The following KLHL13 variants were observed in gnomAD, a reference collection of about 807,000 sequenced individuals.
KLHL13 encodes kelch like family member 13.
KLHL13 carries 10 observed loss-of-function variants against 37.1 expected under a neutral mutation model. The observed-to-expected ratio is 0.27, with a 90% confidence interval of 0.17 to 0.46. The LOEUF (loss-of-function observed/expected upper bound fraction) is 0.46. Ranked by LOEUF, KLHL13 falls within the 20% of genes least tolerant of loss-of-function variation. The pLI, the probability that KLHL13 is intolerant of heterozygous loss-of-function variation, is 1.00. For synonymous variants in KLHL13, 163 were observed against 181.2 expected, an observed-to-expected ratio of 0.90 and a Z score of 0.81; for missense variants, 360 against 509.3, an observed-to-expected ratio of 0.71 and a Z score of 2.82.
At chrX:117,975,177 TACAC>T (rs760035096), upstream of KLHL13, among the ~76,000 whole-genome samples, 10 of 103,277 alleles carry the variant, frequency 9.7e-5, no homozygotes, top group East Asian at 6.0e-4. Context: ...GAGAAATACA[TACAC>T]ACACACACAC....
intron 1 of KLHL13, among the ~76,000 whole-genome samples, chrX:117,965,314 T>G (rs1221826739): frequency 2.7e-5 from 3 of 112,261 alleles, no homozygotes; most frequent in Non-Finnish European, 5.6e-5. Flanking sequence ...ATTGTGGTTT[T>G]GATTTGCATT....
At chrX:117,988,018 A>G (rs2053747494) in intron 1 of KLHL13, among the ~76,000 whole-genome samples, 1 of 112,324 alleles carries the variant, frequency 8.9e-6, no homozygotes, top group African/African-American at 3.2e-5. Flanking sequence ...ACTGGGTATC[A>G]ATGGCACCAT....
chrX:118,115,107 A>G (rs2055453586), intron 1 of KLHL13, among the ~76,000 whole-genome samples: 1 of 112,786 alleles, frequency 8.9e-6, no homozygotes, highest in African/African-American at 3.2e-5. Context: ...GAGGATATTA[A>G]TAAGAACTTG....
intron 1 of KLHL13, among the ~76,000 whole-genome samples, chrX:118,064,620 A>G (rs2054777028): frequency 8.9e-6 from 1 of 111,910 alleles, no homozygotes; most frequent in Admixed American, 9.6e-5. Context: ...AAGCACACAG[A>G]CAAGAAAATG....
At chrX:117,930,335 A>C (rs1932386817) in intron 2 of KLHL13, among the ~76,000 whole-genome samples, 1 of 108,049 alleles carries the variant, frequency 9.3e-6, no homozygotes, top group South Asian at 4.1e-4. Context: ...GCAGGAAGGC[A>C]GGAAGGCAGG....
At chrX:118,048,209 T>C (rs1204261271) in intron 1 of KLHL13, among the ~76,000 whole-genome samples, 2 of 111,831 alleles carry the variant, frequency 1.8e-5, no homozygotes, top group African/African-American at 6.5e-5. Flanking sequence ...TTTGTTTTAT[T>C]TTGTTTTCAT....
intron 1 of KLHL13, among the ~76,000 whole-genome samples, chrX:118,098,124 C>T (rs1359768438): frequency 9.0e-6 from 1 of 111,652 alleles, no homozygotes; most frequent in Non-Finnish European, 1.9e-5. Flanking sequence ...AAAGAAACTA[C>T]CATCAGAGTG....
chrX:117,898,944 T>G (rs928251022), exon 7 of KLHL13: 1 of 1,209,859 alleles, frequency 8.3e-7, no homozygotes. Flanking sequence ...TAGAAGGTGA[T>G]GGTGTGGTTT....
chrX:117,941,161 T>C (rs1933010300), intron 2 of KLHL13, among the ~76,000 whole-genome samples: 1 of 112,096 alleles, frequency 8.9e-6, no homozygotes, highest in African/African-American at 3.2e-5. Flanking sequence ...GAAGGTGTGT[T>C]GAATTTTGTC....
rs745466285 is a variant in KLHL13 at position 117,985,292 on chromosome X, T to C, written c.-55-39717A>G. On this transcript the variant is annotated intron_variant, in intron 1 of 6. Coordinates refer to the KLHL13 transcript ENST00000371882. ...TGAACTCTCATCATTTGTCATGTTC[T>C]TGTGGATCCCTCTCTCATCAAATTC... The C allele has an allele frequency of 2.8e-4, 320 of 1,140,097 alleles. 1 individual carries two copies. The highest frequency in any genetic ancestry group is 8.6e-4 in the South Asian group (43 of 49,840). The allele number at this position is 1,140,097 out of a possible 1,213,427, so 94.0% of individuals were successfully genotyped here.
At chrX:117,926,547 C>A (rs751146327) in intron 2 of KLHL13, among the ~76,000 whole-genome samples, 1 of 111,597 alleles carries the variant, frequency 9.0e-6, no homozygotes, top group African/African-American at 3.3e-5. Context: ...GGAAACCTTA[C>A]AAGGCTGGGG....
chrX:118,066,584 G>A (rs1410142991), intron 1 of KLHL13, among the ~76,000 whole-genome samples: 1 of 111,475 alleles, frequency 9.0e-6, no homozygotes, highest in African/African-American at 3.3e-5. Flanking sequence ...TTTTAGGTTA[G>A]GCAAAGATCT....
At chrX:118,086,633 T>C (rs1309649932) in intron 1 of KLHL13, among the ~76,000 whole-genome samples, 1 of 112,010 alleles carries the variant, frequency 8.9e-6, no homozygotes, top group Non-Finnish European at 1.9e-5. Context: ...TCAATGTGTA[T>C]CACGTACTTC....
chrX:118,005,385 G>T (rs983612298), intron 1 of KLHL13, among the ~76,000 whole-genome samples: 1 of 111,757 alleles, frequency 8.9e-6, no homozygotes, highest in Middle Eastern at 4.6e-3. Flanking sequence ...TCACAGTATG[G>T]TATAGTTGAC....
At chrX:117,920,590 G>C (rs1443085085) in intron 2 of KLHL13, among the ~76,000 whole-genome samples, 1 of 111,870 alleles carries the variant, frequency 8.9e-6, no homozygotes, top group Non-Finnish European at 1.9e-5. Context: ...GACTAATTTA[G>C]GTTAAAAACG....
intron 1 of KLHL13, among the ~76,000 whole-genome samples, chrX:118,051,828 G>A (rs1313779330): frequency 9.0e-6 from 1 of 111,271 alleles, no homozygotes; most frequent in African/African-American, 3.3e-5. Flanking sequence ...TGGGAGAACT[G>A]AACACATAAA....
chrX:118,033,384 A>G (rs2054386677), intron 1 of KLHL13, among the ~76,000 whole-genome samples: 1 of 111,923 alleles, frequency 8.9e-6, no homozygotes, highest in Non-Finnish European at 1.9e-5. Flanking sequence ...TCAGACTAAC[A>G]GCAGATCTCT....
chrX:117,921,377 GTTTA>G (rs1332966002), intron 2 of KLHL13, among the ~76,000 whole-genome samples: 2 of 111,778 alleles, frequency 1.8e-5, no homozygotes. Flanking sequence ...TATATATAAT[GTTTA>G]TTTGTCGATT....
At chrX:117,944,822 T>C (rs1209375438) in intron 2 of KLHL13, among the ~76,000 whole-genome samples, 1 of 111,784 alleles carries the variant, frequency 8.9e-6, no homozygotes, top group Non-Finnish European at 1.9e-5. Context: ...CAGATTGCTG[T>C]GTTTCATGTT....
Sources: gnomAD v4.1 joint callset for allele counts (sites outside exome capture counted in the v4.1 genomes callset) on GRCh38, gnomAD v4.1.1 for gene constraint, MANE v1.5 for transcripts, NCBI Gene and HGNC (gene_info 2026-07-23, HGNC 2026-07-21) for gene names.